The following ARHGAP18 variants were observed in gnomAD, a reference collection of about 807,000 sequenced individuals.
ARHGAP18 encodes the protein Rho GTPase activating protein 18.
A neutral mutation model predicts 86.2 loss-of-function variants in ARHGAP18; 67 were observed. That is an observed-to-expected ratio of 0.78 (90% CI 0.64 to 0.95). ARHGAP18 has a LOEUF of 0.95. Ranked by LOEUF, ARHGAP18 falls within the 40% of genes least tolerant of loss-of-function variation. The pLI is 0.00. For missense variants in ARHGAP18, 691 were observed against 780.4 expected, an observed-to-expected ratio of 0.89 and a Z score of 1.37; for synonymous variants, 283 against 280.4, an observed-to-expected ratio of 1.01 and a Z score of -0.09.
At chr6:129,700,462 A>C (rs889073116) in intron 1 of ARHGAP18, among the ~76,000 whole-genome samples, 3 of 152,202 alleles carry the variant, frequency 2.0e-5, no homozygotes, top group Non-Finnish European at 4.4e-5. Context: ...TTGGATATTA[A>C]ATGTAGTATT....
intron 1 of ARHGAP18, among the ~76,000 whole-genome samples, chr6:129,700,085 G>A (rs557261883): frequency 1.3e-5 from 2 of 152,260 alleles, no homozygotes; most frequent in Non-Finnish European, 2.9e-5. Context: ...ACATTCAGCT[G>A]AACTCTGCCC....
chr6:129,626,224 T>C (rs922035630), intron 5 of ARHGAP18, among the ~76,000 whole-genome samples: 5 of 150,862 alleles, frequency 3.3e-5, no homozygotes, highest in Admixed American at 2.0e-4. Flanking sequence ...AAGTGAGAAA[T>C]ATTTCTCTAT....
At chr6:129,619,016 C>T (rs560722753) in intron 5 of ARHGAP18, among the ~76,000 whole-genome samples, 164 bp from the exon 6 acceptor site, 18 of 151,590 alleles carry the variant, frequency 1.2e-4, no homozygotes, top group East Asian at 2.0e-4. Context: ...GTCATGATGA[C>T]GACCCCTAAA....
intron 10 of ARHGAP18, 68 bp downstream of exon 10, chr6:129,605,809 G>A: frequency 7.2e-7 from 1 of 1,382,120 alleles, no homozygotes; most frequent in Non-Finnish European, 1.0e-6. Flanking sequence ...TTATTGTTTT[G>A]CCACAAATAA....
rs71028169 is a variant in ARHGAP18 at position 129,626,065 on chromosome 6, TACACACACACACAC to T, written c.786+3274_786+3287del. Among the ~76,000 whole-genome samples, 345 of 101,538 alleles carry T rather than the reference TACACACACACACAC, an allele frequency of 3.4e-3. 1 individual carries two copies. Among genetic ancestry groups the T allele is most frequent in the Admixed American group, 5.9e-3 (41 of 6,936 alleles). 66.6% of individuals were successfully genotyped at this position (101,538 alleles called of 152,430 possible). On this transcript the variant is annotated intron_variant, in intron 5 of 14. Transcript: ENST00000368149. ...ACACACACACATATATATACACATA[TACACACACACACAC>T]ACACACACACACACACACACACACA...
At chr6:129,610,217 C>A (rs1186275283) in intron 8 of ARHGAP18, among the ~76,000 whole-genome samples, 1 of 152,230 alleles carries the variant, frequency 6.6e-6, no homozygotes, top group Non-Finnish European at 1.5e-5. Context: ...GATACAGCTA[C>A]AATTCCAAGT....
intron 9 of ARHGAP18, among the ~76,000 whole-genome samples, chr6:129,606,765 G>A (rs767735024): frequency 7.9e-5 from 12 of 152,080 alleles, no homozygotes; most frequent in Non-Finnish European, 1.8e-4. Context: ...CTGAAGAAAT[G>A]TCATGATACG....
intron 4 of ARHGAP18, among the ~76,000 whole-genome samples, chr6:129,633,377 G>A (rs1047793021): frequency 2.0e-5 from 3 of 149,316 alleles, no homozygotes; most frequent in African/African-American, 7.4e-5. Context: ...AGAGGTTGCA[G>A]TGAGCCAAGA....
chr6:129,707,963 C>T (rs982937394), intron 1 of ARHGAP18, among the ~76,000 whole-genome samples: 2 of 152,052 alleles, frequency 1.3e-5, no homozygotes, highest in East Asian at 1.9e-4. Flanking sequence ...AGTTCACCGC[C>T]CCGAAACCAC....
chr6:129,593,427 C>T (rs1788557270), intron 12 of ARHGAP18, among the ~76,000 whole-genome samples: 4 of 152,176 alleles, frequency 2.6e-5, no homozygotes, highest in Admixed American at 2.6e-4. Context: ...CACCATTGCA[C>T]TTCAGCCTGG....
intron 1 of ARHGAP18, among the ~76,000 whole-genome samples, chr6:129,682,496 C>A (rs2114538210): frequency 6.6e-6 from 1 of 152,328 alleles, no homozygotes; most frequent in African/African-American, 2.4e-5. Flanking sequence ...ATGCAAATGG[C>A]ATCTCCTCAT....
At chr6:129,703,658 G>A (rs982446516) in intron 1 of ARHGAP18, among the ~76,000 whole-genome samples, 1 of 152,262 alleles carries the variant, frequency 6.6e-6, no homozygotes, top group Non-Finnish European at 1.5e-5. Context: ...TCACATGTCT[G>A]TGAATGAACC....
At chr6:129,642,424 A>G (rs1235722126) in intron 1 of ARHGAP18, among the ~76,000 whole-genome samples, 1 of 151,900 alleles carries the variant, frequency 6.6e-6, no homozygotes, top group East Asian at 1.9e-4. Flanking sequence ...AGCTACTACT[A>G]CAGGTATATA....
At chr6:129,665,836 C>T (rs1774025996) in intron 1 of ARHGAP18, among the ~76,000 whole-genome samples, 2 of 152,182 alleles carry the variant, frequency 1.3e-5, no homozygotes, top group South Asian at 4.1e-4. Context: ...AATGTTACCT[C>T]TTTTCAGAGT....
At chr6:129,637,660 C>A (rs1447529805) in intron 3 of ARHGAP18, among the ~76,000 whole-genome samples, 1 of 152,186 alleles carries the variant, frequency 6.6e-6, no homozygotes, top group African/African-American at 2.4e-5. Context: ...GCCAACTGTT[C>A]AAACCATATT....
intron 1 of ARHGAP18, among the ~76,000 whole-genome samples, chr6:129,673,497 A>G (rs1774176471): frequency 2.0e-5 from 3 of 152,220 alleles, no homozygotes; most frequent in South Asian, 4.1e-4. Context: ...AGGAAATCAC[A>G]TTTCTAAGTG....
chr6:129,636,882 A>C (rs1562704083), intron 3 of ARHGAP18, among the ~76,000 whole-genome samples: 2 of 152,218 alleles, frequency 1.3e-5, no homozygotes, highest in South Asian at 4.1e-4. Context: ...CACCATCTAG[A>C]TCCGCTGATT....
chr6:129,630,709 A>G (rs1475181032), intron 4 of ARHGAP18, among the ~76,000 whole-genome samples: 1 of 152,220 alleles, frequency 6.6e-6, no homozygotes, highest in Non-Finnish European at 1.5e-5. Context: ...TATGCAGAGT[A>G]GACTTCCCAG....
intron 2 of ARHGAP18, among the ~76,000 whole-genome samples, chr6:129,640,057 A>AC (rs1773419470): frequency 6.6e-6 from 1 of 151,038 alleles, no homozygotes; most frequent in Admixed American, 6.6e-5. Context: ...AAAAAAAAAA[A>AC]AAAAAAACAA....
Sources: gnomAD v4.1 joint callset for allele counts (sites outside exome capture counted in the v4.1 genomes callset) on GRCh38, gnomAD v4.1.1 for gene constraint, MANE v1.5 for transcripts, NCBI Gene and HGNC (gene_info 2026-07-23, HGNC 2026-07-21) for gene names.